Variants in GRHL2 observed in about 807,000 individuals in gnomAD.
GRHL2 encodes the protein grainyhead-like protein 2 homolog.
GRHL2 carries 21 observed loss-of-function variants against 83.8 expected under a neutral mutation model. The ratio of observed to expected loss-of-function variants is 0.25; its 90% CI spans 0.18 to 0.36. The LOEUF is 0.36. Ranked by LOEUF, GRHL2 falls within the 10% of genes least tolerant of loss-of-function variation. GRHL2 has a pLI of 1.00. For synonymous variants in GRHL2, 280 were observed against 278.9 expected, an observed-to-expected ratio of 1.00 and a Z score of -0.04; for missense variants, 623 against 781.8, an observed-to-expected ratio of 0.80 and a Z score of 2.42.
rs201936629 is a variant in GRHL2 at position 101,558,722 on chromosome 8, G to T, written c.588G>T (p.Ser196=). 5 of 1,614,046 alleles carry T rather than the reference G, an allele frequency of 3.1e-6. No homozygotes were observed. Among genetic ancestry groups the T allele is most frequent in the Admixed American group, 1.7e-5 (1 of 60,004 alleles). ...AACAGACTCAGTATGACGTGCCCTC[G>T]CTGGCCACCCACAGCGCCTATCTCA... The part of the protein sequence containing the change: ...IFEQTQYDVP[S]LATHSAYLKD... Residue 196 remains serine, a synonymous_variant, in exon 4 of 16, where the codon TCG becomes TCT. Coordinates refer to ENST00000646743, the MANE Select transcript of GRHL2 (RefSeq NM_024915.4).
At chr8:101,652,511 G>C (rs1334496905) in intron 14 of GRHL2, among the ~76,000 whole-genome samples, 1 of 83,578 alleles carries the variant, frequency 1.2e-5, no homozygotes, top group Non-Finnish European at 2.3e-5. Context: ...TGTGTGTGTG[G>C]TGTGTGTGTG....
downstream of GRHL2, among the ~76,000 whole-genome samples, chr8:101,671,452 G>A (rs144043382): frequency 7.9e-5 from 12 of 152,246 alleles, no homozygotes; most frequent in South Asian, 2.1e-4. Context: ...AGGCGGCAGC[G>A]ATGCTGGGGG....
At chr8:101,615,338 A>C (rs999887850) in intron 8 of GRHL2, among the ~76,000 whole-genome samples, 1 of 152,228 alleles carries the variant, frequency 6.6e-6, no homozygotes, top group South Asian at 2.1e-4. Context: ...ATAAGGCCAC[A>C]TTTAATATTG....
intron 7 of GRHL2, among the ~76,000 whole-genome samples, chr8:101,586,303 A>G (rs1812169720): frequency 6.6e-6 from 1 of 151,494 alleles, no homozygotes; most frequent in Non-Finnish European, 1.5e-5. Context: ...ATCCAACATA[A>G]TCTGTCTTTT....
chr8:101,602,315 G>C (rs1812533660), intron 8 of GRHL2, among the ~76,000 whole-genome samples: 3 of 152,246 alleles, frequency 2.0e-5, no homozygotes, highest in African/African-American at 7.2e-5. Flanking sequence ...CAGTGGAAGT[G>C]TTTGTGATGT....
At chr8:101,557,002 A>T (rs750001918) in intron 3 of GRHL2, among the ~76,000 whole-genome samples, 10 of 152,050 alleles carry the variant, frequency 6.6e-5, no homozygotes, top group Non-Finnish European at 1.3e-4. Context: ...TCTCCAGTTC[A>T]GCAATGATAA....
chr8:101,649,614 C>T (rs552903193), intron 14 of GRHL2, 115 bp downstream of exon 14: 3 of 763,884 alleles, frequency 3.9e-6, no homozygotes, highest in African/African-American at 3.4e-5. Context: ...TTATACAGAA[C>T]AAGAAAAACC....
intron 1 of GRHL2, among the ~76,000 whole-genome samples, chr8:101,514,828 A>G (rs1810536245): frequency 6.6e-6 from 1 of 152,068 alleles, no homozygotes; most frequent in South Asian, 2.1e-4. Flanking sequence ...TCAACCTTTA[A>G]GTTCCACTTC....
At chr8:101,501,798 C>T (rs1810234509) in intron 1 of GRHL2, among the ~76,000 whole-genome samples, 1 of 151,794 alleles carries the variant, frequency 6.6e-6, no homozygotes, top group South Asian at 2.1e-4. Flanking sequence ...AAGAAGAAAT[C>T]TTACATTTTT....
intron 4 of GRHL2, among the ~76,000 whole-genome samples, chr8:101,559,277 C>T (rs1018898982): frequency 2.1e-5 from 3 of 144,432 alleles, no homozygotes; most frequent in Admixed American, 1.5e-4. Context: ...TTTGGGAGGC[C>T]GAAGTGCGTG....
intron 1 of GRHL2, among the ~76,000 whole-genome samples, chr8:101,503,681 C>G (rs911731120): frequency 1.2e-4 from 19 of 152,204 alleles, no homozygotes; most frequent in Non-Finnish European, 2.2e-4. Flanking sequence ...CCCTAAAAGC[C>G]TGGCTATCAA....
intron 1 of GRHL2, among the ~76,000 whole-genome samples, chr8:101,540,009 T>C (rs907875402): frequency 6.6e-6 from 1 of 152,224 alleles, no homozygotes. Context: ...CTGGCAACTA[T>C]TGGGCTCTCA....
chr8:101,511,861 A>C (rs1810473052), intron 1 of GRHL2, among the ~76,000 whole-genome samples: 1 of 152,202 alleles, frequency 6.6e-6, no homozygotes, highest in African/African-American at 2.4e-5. Flanking sequence ...TTCAATGAAG[A>C]AATGAGGTGA....
intron 7 of GRHL2, among the ~76,000 whole-genome samples, chr8:101,594,351 TCAACATTTA>T (rs1172315357): frequency 6.6e-6 from 1 of 152,140 alleles, no homozygotes; most frequent in Non-Finnish European, 1.5e-5. Context: ...ACTACAGCTG[TCAACATTTA>T]CAACATTCGG....
chr8:101,570,680 G>A (rs1424771273), intron 5 of GRHL2, among the ~76,000 whole-genome samples: 1 of 152,102 alleles, frequency 6.6e-6, no homozygotes, highest in Non-Finnish European at 1.5e-5. Flanking sequence ...CCCAACAAGT[G>A]TAATATGAAG....
rs770877273 is a variant in GRHL2, at chr8:101,552,791, A to G, written c.284+9A>G. On this transcript the variant is annotated intron_variant, in intron 3 of 15. Transcript: ENST00000646743. ...GAAGACCAGGAGAAAAGGTAAAGGA[A>G]TTTGCCTGGCCCCCAGAATAACTCT... 2.8e-5 allele frequency: 45 copies of G among 1,612,636 alleles called. No individual in the cohort carries two copies. The highest frequency in any genetic ancestry group is 3.4e-5 in the Non-Finnish European group (40 of 1,178,990).
intron 4 of GRHL2, among the ~76,000 whole-genome samples, chr8:101,569,619 G>A (rs1259018251): frequency 6.6e-6 from 1 of 152,112 alleles, no homozygotes; most frequent in Non-Finnish European, 1.5e-5. Context: ...ACAGGGATGA[G>A]CCACCACACA....
intron 1 of GRHL2, among the ~76,000 whole-genome samples, chr8:101,533,011 G>A (rs963611338): frequency 6.6e-5 from 10 of 152,250 alleles, no homozygotes; most frequent in East Asian, 5.8e-4. Context: ...ACAGGTAGAC[G>A]AAAGGAATTC....
intron 14 of GRHL2, among the ~76,000 whole-genome samples, chr8:101,653,435 T>C (rs1381609028): frequency 6.6e-6 from 1 of 152,164 alleles, no homozygotes; most frequent in Non-Finnish European, 1.5e-5. Flanking sequence ...CATAGTCCCC[T>C]ACTCATTACT....
Sources: gnomAD v4.1 joint callset for allele counts (sites outside exome capture counted in the v4.1 genomes callset) on GRCh38, gnomAD v4.1.1 for gene constraint, MANE v1.5 for transcripts, NCBI Gene and HGNC (gene_info 2026-07-23, HGNC 2026-07-21) for gene names.